GRID1: variants seen among roughly 807,000 people sequenced by gnomAD.
The protein encoded by GRID1 is glutamate receptor ionotropic, delta-1.
A neutral mutation model predicts 98.0 loss-of-function variants in GRID1; 28 were observed. The observed-to-expected ratio is 0.29, with a 90% CI of 0.21 to 0.39. The LOEUF is 0.39. GRID1 is among the 10% of genes least tolerant of loss of function. GRID1 has a pLI of 1.00. For synonymous variants in GRID1, 553 were observed against 538.5 expected (o/e 1.03, Z -0.37); for missense variants, 1,111 against 1,340.5 (o/e 0.83, Z 2.67).
chr10:86,211,100 C>A (rs1377436944), intron 2 of GRID1, among the ~76,000 whole-genome samples: 1 of 152,136 alleles, frequency 6.6e-6, no homozygotes, highest in Non-Finnish European at 1.5e-5. Context: ...GATGATGGCT[C>A]CCTCTTCACA....
intron 3 of GRID1, among the ~76,000 whole-genome samples, chr10:86,143,636 C>T (rs1028153199): frequency 6.6e-6 from 1 of 152,222 alleles, no homozygotes; most frequent in Non-Finnish European, 1.5e-5. Context: ...CGCACCTCCA[C>T]CTGCCCCTGG....
chr10:86,328,545 G>A (rs1408287501), intron 2 of GRID1, among the ~76,000 whole-genome samples: 3 of 152,324 alleles, frequency 2.0e-5, no homozygotes, highest in East Asian at 1.9e-4. Context: ...GCCAGGTACC[G>A]AAGCACTTTC....
In GRID1 at chr10:85,617,542, C is replaced by A. The variant is rs928887362; in HGVS notation, c.2360+2325G>T. Among the ~76,000 whole-genome samples the A allele has an allele frequency of 3.1e-4, 47 of 152,066 alleles. 1 individual carries two copies. The highest frequency in any genetic ancestry group is 1.0e-3 in the African/African-American group (42 of 41,420). ...CAGCCCAACAGAACCTTTTAAAGAA[C>A]CACTGGCATCAGTAAGTTGGCAACC... On this transcript the variant is annotated intron_variant, in intron 14 of 15. Coordinates refer to ENST00000327946, the MANE Select transcript of GRID1 (RefSeq NM_017551.3).
intron 4 of GRID1, among the ~76,000 whole-genome samples, chr10:86,032,472 C>CTT (rs1235185718): frequency 1.3e-5 from 2 of 152,222 alleles, no homozygotes; most frequent in African/African-American, 4.8e-5. Context: ...CCATTTTGTT[C>CTT]TGTACTAAGA....
chr10:86,219,242 C>A lies in GRID1; in HGVS notation c.236-12594G>T, dbSNP rs919965145. 4.6e-5 allele frequency among the ~76,000 whole-genome samples: 7 copies of A among 152,326 alleles called. No individual in the cohort carries two copies. In the East Asian group the frequency reaches 5.8e-4, roughly 13 times the overall value. ...CCATTCCCTCAAGGGGAATGTGCCACCCCTACACCCCCAGCTGCTGGGCTC... is the reference window on the plus strand; with the variant it reads ...CCATTCCCTCAAGGGGAATGTGCCAACCCTACACCCCCAGCTGCTGGGCTC... On this transcript the variant is annotated intron_variant, in intron 2 of 15. Coordinates refer to ENST00000327946, the MANE Select transcript of GRID1 (RefSeq NM_017551.3).
intron 4 of GRID1, among the ~76,000 whole-genome samples, chr10:86,104,844 T>C (rs1589372643): frequency 6.6e-6 from 1 of 152,174 alleles, no homozygotes; most frequent in South Asian, 2.1e-4. Context: ...TGGACCTTCA[T>C]GCATGGCCGA....
chr10:85,814,326 A>G, intron 8 of GRID1, among the ~76,000 whole-genome samples: 1 of 152,050 alleles, frequency 6.6e-6, no homozygotes, highest in Middle Eastern at 3.4e-3. Flanking sequence ...ATTAAATGCT[A>G]TGTTAAAGAA....
chr10:86,303,832 G>A (rs74149516), intron 2 of GRID1, among the ~76,000 whole-genome samples: 8,277 of 152,242 alleles, frequency 0.054, 411 homozygotes, highest in African/African-American at 0.13. Flanking sequence ...GTCCTGAGCC[G>A]TTCCTGTCTC....
chr10:86,177,862 G>C (rs901734975), intron 3 of GRID1, among the ~76,000 whole-genome samples: 1 of 152,192 alleles, frequency 6.6e-6, no homozygotes, highest in African/African-American at 2.4e-5. Flanking sequence ...GTGTATGTGT[G>C]TGTGTGTGCA....
At chr10:86,034,121 C>A (rs897319250) in intron 4 of GRID1, among the ~76,000 whole-genome samples, 1 of 152,016 alleles carries the variant, frequency 6.6e-6, no homozygotes, top group African/African-American at 2.4e-5. Flanking sequence ...TGTTAATATT[C>A]GATTTTTTTA....
chr10:85,962,843 T>A (rs2131850079), intron 4 of GRID1, among the ~76,000 whole-genome samples: 1 of 152,272 alleles, frequency 6.6e-6, no homozygotes, highest in Non-Finnish European at 1.5e-5. Flanking sequence ...CAATACACAA[T>A]TGTTAATCCC....
chr10:86,142,235 T>TA, intron 3 of GRID1, among the ~76,000 whole-genome samples: 1 of 152,306 alleles, frequency 6.6e-6, no homozygotes, highest in Middle Eastern at 3.4e-3. Context: ...TATAGACTCA[T>TA]AAAAAATAAT....
At position 85,687,134 on chromosome 10, in the gene GRID1, T is replaced by C. The variant is rs1444416081; in HGVS notation, c.1997+35869A>G. Among the ~76,000 whole-genome samples the C allele has an allele frequency of 2.0e-5, 3 of 152,268 alleles. No individual in the cohort carries two copies. The East Asian group carries it at 5.8e-4, about 29-fold the overall frequency. On this transcript the variant is annotated intron_variant, in intron 12 of 15. Transcript: ENST00000327946. ...AGTTTTTCAGATGTGACTTTATAAG[T>C]ACAGAATAACTTAGGATAATTTAGG...
intron 2 of GRID1, among the ~76,000 whole-genome samples, chr10:86,330,788 G>A (rs1396299340): frequency 6.6e-6 from 1 of 152,216 alleles, no homozygotes; most frequent in Non-Finnish European, 1.5e-5. Flanking sequence ...ACATAAGACA[G>A]GAGCAGCACG....
chr10:86,335,924 G>A (rs1263594093), intron 2 of GRID1, among the ~76,000 whole-genome samples: 1 of 152,246 alleles, frequency 6.6e-6, no homozygotes, highest in African/African-American at 2.4e-5. Flanking sequence ...CAGGAACCTG[G>A]CCTGGTCCCA....
At chr10:86,243,115 C>T (rs1230568123) in intron 2 of GRID1, among the ~76,000 whole-genome samples, 1 of 152,216 alleles carries the variant, frequency 6.6e-6, no homozygotes, top group African/African-American at 2.4e-5. Context: ...CTCAGTGCTG[C>T]TGCTGCTATC....
intron 4 of GRID1, among the ~76,000 whole-genome samples, chr10:85,978,614 GAA>G (rs554042641): frequency 6.8e-6 from 1 of 146,296 alleles, no homozygotes; most frequent in African/African-American, 2.5e-5. Flanking sequence ...TACTTTAACA[GAA>G]AAAAAAAAAG....
At chr10:85,617,164 T>C (rs1210652649) in intron 14 of GRID1, among the ~76,000 whole-genome samples, 1 of 152,114 alleles carries the variant, frequency 6.6e-6, no homozygotes, top group Non-Finnish European at 1.5e-5. Context: ...TCTCAGGACC[T>C]ATCCCTTCAT....
intron 2 of GRID1, among the ~76,000 whole-genome samples, chr10:86,231,429 G>C (rs1399078699): frequency 6.6e-6 from 1 of 152,140 alleles, no homozygotes; most frequent in African/African-American, 2.4e-5. Context: ...CCCTGATCCA[G>C]CAGGCCACAG....
Sources: allele counts gnomAD v4.1 joint callset (sites outside exome capture counted in the v4.1 genomes callset), GRCh38; gene constraint gnomAD v4.1.1; transcripts MANE v1.5; gene names NCBI Gene and HGNC (gene_info 2026-07-23, HGNC 2026-07-21).